Variants in PPP1R9A observed in about 807,000 individuals in gnomAD.
PPP1R9A encodes protein phosphatase 1 regulatory subunit 9A.
PPP1R9A carries 59 observed loss-of-function variants against 141.9 expected under a neutral mutation model. That is an observed-to-expected ratio of 0.42 (90% CI 0.34 to 0.52). The LOEUF is 0.52. Ranked by LOEUF, PPP1R9A falls within the 20% of genes least tolerant of loss-of-function variation. The probability of loss-of-function intolerance (pLI) is 0.10; values close to 1 mark genes in which losing one functional copy is unlikely to be tolerated. For missense variants in PPP1R9A, 1,444 were observed against 1,611.9 expected (o/e 0.90, Z 1.78); for synonymous variants, 500 against 569.7 (o/e 0.88, Z 1.74).
chr7:95,105,285 T>C (rs941082683), intron 2 of PPP1R9A, among the ~76,000 whole-genome samples: 2 of 152,264 alleles, frequency 1.3e-5, no homozygotes, highest in African/African-American at 2.4e-5. Context: ...ATAATGATTC[T>C]AGTTGAAATC....
chr7:95,222,015 C>T (rs902999905), intron 7 of PPP1R9A, among the ~76,000 whole-genome samples: 1 of 152,044 alleles, frequency 6.6e-6, no homozygotes, highest in Non-Finnish European at 1.5e-5. Flanking sequence ...CTCTGTATTG[C>T]AATTAACCCA....
intron 2 of PPP1R9A, among the ~76,000 whole-genome samples, chr7:94,977,017 T>A (rs1307883621): frequency 6.6e-6 from 1 of 152,034 alleles, no homozygotes; most frequent in Non-Finnish European, 1.5e-5. Context: ...TATATGAGAG[T>A]AAAGGATATC....
At position 95,162,447 on chromosome 7, in the gene PPP1R9A, C is replaced by T. The variant is rs145244746; in HGVS notation, c.1754+476C>T. On this transcript the variant is annotated intron_variant, in intron 5 of 19. Transcript: ENST00000433360. ...CAATGTTTGATGAATTATAACTTTT[C>T]CAACTTAATGCACTTAGGGTGCATT... Among the ~76,000 whole-genome samples, 1,160 of 152,218 alleles carry T rather than the reference C, an allele frequency of 7.6e-3. 28 individuals are homozygous for T. Among genetic ancestry groups the T allele is most frequent in the Admixed American group, 0.041 (620 of 15,300 alleles).
intron 4 of PPP1R9A, among the ~76,000 whole-genome samples, chr7:95,134,937 T>A (rs1361231874): frequency 1.3e-3 from 199 of 152,318 alleles, no homozygotes; most frequent in African/African-American, 4.3e-3. Context: ...AAAACAGTAT[T>A]ATACGTTAGG....
intron 2 of PPP1R9A, among the ~76,000 whole-genome samples, chr7:95,033,431 C>T (rs1383335626): frequency 6.6e-6 from 1 of 152,012 alleles, no homozygotes; most frequent in Non-Finnish European, 1.5e-5. Context: ...AACCTAATTG[C>T]TTCTATGGGT....
chr7:95,136,575 T>C (rs1050348688), intron 4 of PPP1R9A, among the ~76,000 whole-genome samples: 1 of 152,214 alleles, frequency 6.6e-6, no homozygotes, highest in Admixed American at 6.5e-5. Flanking sequence ...TAAATGATGA[T>C]TGGCTAGGAG....
rs532071311 is a variant in PPP1R9A, at chr7:95,149,051, G to A, written c.1650-12816G>A. Among the ~76,000 whole-genome samples the A allele has an allele frequency of 5.7e-4, 87 of 151,522 alleles. 2 individuals are homozygous for A. In the South Asian group the frequency reaches 0.018, roughly 31 times the overall value. ...ACATATAAAAGGAATTATATACAGA[G>A]ACCAGGTGGGATTTATCCCAGGTAT... is the stretch of plus-strand genomic sequence containing the variant. On this transcript the variant is annotated intron_variant, in intron 4 of 19. Coordinates refer to ENST00000433360, the MANE Select transcript of PPP1R9A (RefSeq NM_001166160.2).
At chr7:95,028,335 T>G (rs1292980282) in intron 2 of PPP1R9A, among the ~76,000 whole-genome samples, 2 of 152,212 alleles carry the variant, frequency 1.3e-5, no homozygotes, top group African/African-American at 4.8e-5. Context: ...ATAACTGATA[T>G]TTCTAATCAG....
At chr7:95,283,979 C>T in intron 16 of PPP1R9A, 39 bp from the exon 17 acceptor site, 2 of 1,479,464 alleles carry the variant, frequency 1.4e-6, no homozygotes, top group Non-Finnish European at 1.8e-6. Flanking sequence ...TTTATCCGCC[C>T]TTTCTTTATC....
chr7:95,123,242 A>G (rs1382915855), intron 4 of PPP1R9A, among the ~76,000 whole-genome samples: 1 of 152,218 alleles, frequency 6.6e-6, no homozygotes, highest in East Asian at 1.9e-4. Context: ...CTGCTTTACC[A>G]GTCCCAGTGT....
At chr7:95,266,656 G>A (rs913152133) in intron 12 of PPP1R9A, among the ~76,000 whole-genome samples, 3 of 152,128 alleles carry the variant, frequency 2.0e-5, no homozygotes, top group Non-Finnish European at 2.9e-5. Flanking sequence ...TCATGGGGCT[G>A]TTGTAAGGAA....
intron 2 of PPP1R9A, among the ~76,000 whole-genome samples, chr7:94,970,539 C>T (rs988796710): frequency 2.0e-5 from 3 of 151,844 alleles, no homozygotes; most frequent in Admixed American, 6.6e-5. Flanking sequence ...CTGCGTACCT[C>T]GGTTAGAAAT....
chr7:95,204,614 CACACCACACTCACACCACACAT>C (rs1475585442), intron 7 of PPP1R9A, among the ~76,000 whole-genome samples: 1 of 150,364 alleles, frequency 6.7e-6, no homozygotes, highest in Non-Finnish European at 1.5e-5. Context: ...ACACCACACA[CACACCACACTCACACCACACAT>C]ACCCATGCAC....
In PPP1R9A at chr7:95,287,227, CAAG is replaced by C. The variant is rs67654205; in HGVS notation, c.3729+905_3729+907del. The C allele has an allele frequency of 4.9e-3, 6,988 of 1,432,448 alleles. 210 individuals carry two copies. The African/African-American group carries it at 0.076, about 16-fold the overall frequency. 88.7% of individuals were successfully genotyped at this position (1,432,448 alleles called of 1,614,324 possible). On this transcript the variant is annotated intron_variant, in intron 18 of 19. Transcript: ENST00000433360. ...GAGATGACTGAAAAATCAGACAATA[CAAG>C]AATATCTTCCTCTGTAGTGAAGGGT...
intron 13 of PPP1R9A, 130 bp from the exon 14 acceptor site, chr7:95,269,077 A>G: frequency 2.4e-6 from 2 of 833,034 alleles, no homozygotes; most frequent in South Asian, 1.9e-5. Context: ...ATGCATTCTC[A>G]TCTGTAAATC....
chr7:95,220,388 G>T (rs1390054426), intron 7 of PPP1R9A, among the ~76,000 whole-genome samples: 5 of 152,074 alleles, frequency 3.3e-5, no homozygotes, highest in East Asian at 1.9e-4. Flanking sequence ...CTATTTTTGT[G>T]ATTAGCGCCA....
At chr7:95,175,981 CTTGG>C (rs1298969038) in intron 5 of PPP1R9A, among the ~76,000 whole-genome samples, 1 of 152,058 alleles carries the variant, frequency 6.6e-6, no homozygotes, top group Non-Finnish European at 1.5e-5. Context: ...GCAGCTCTGA[CTTGG>C]ACAGACAGAG....
At position 95,056,981 on chromosome 7, in the gene PPP1R9A, G is replaced by T. The variant is rs535407488; in HGVS notation, c.1396-54278G>T. Among the ~76,000 whole-genome samples the T allele has an allele frequency of 5.3e-5, 8 of 152,178 alleles. No homozygotes were observed. The East Asian group carries it at 1.4e-3, about 26-fold the overall frequency. ...TATAAGAATAGATTAAGTTATTAAT[G>T]TGATTTACTGCTTTAAAAATTGTTG... On this transcript the variant is annotated intron_variant, in intron 2 of 19. Transcript: ENST00000433360.
At chr7:95,164,423 A>G (rs1302016894) in intron 5 of PPP1R9A, among the ~76,000 whole-genome samples, 1 of 151,282 alleles carries the variant, frequency 6.6e-6, no homozygotes, top group Non-Finnish European at 1.5e-5. Context: ...TTCTCTTATA[A>G]TTGGGCTTTT....
Sources: gnomAD v4.1 joint callset for allele counts (sites outside exome capture counted in the v4.1 genomes callset) on GRCh38, gnomAD v4.1.1 for gene constraint, MANE v1.5 for transcripts, NCBI Gene and HGNC (gene_info 2026-07-23, HGNC 2026-07-21) for gene names.